Variants in ORC2 observed in about 807,000 individuals in gnomAD.
ORC2 encodes origin recognition complex subunit 2, also known as origin recognition complex protein 2 homolog.
A neutral mutation model predicts 77.7 loss-of-function variants in ORC2; 37 were observed. That is an observed-to-expected ratio of 0.48 (90% CI 0.37 to 0.63). The LOEUF is 0.63. Ranked by LOEUF, ORC2 falls within the 20% of genes least tolerant of loss-of-function variation. ORC2 has a pLI of 0.00. For missense variants in ORC2, 557 were observed against 661.9 expected (o/e 0.84, Z 1.74); for synonymous variants, 201 against 229.5 (o/e 0.88, Z 1.12).
chr2:200,963,264 G>C (rs16836350), intron 1 of ORC2: 3 of 395,632 alleles, frequency 7.6e-6, no homozygotes, highest in Non-Finnish European at 8.9e-6. Context: ...CCTCTGGCCA[G>C]TTGGCTGCGC....
At chr2:200,916,248 C>G (rs1010685038) in intron 15 of ORC2, among the ~76,000 whole-genome samples, 1 of 152,052 alleles carries the variant, frequency 6.6e-6, no homozygotes, top group African/African-American at 2.4e-5. Context: ...TTTGGGAGGT[C>G]AAGGTGGGTG....
intron 4 of ORC2, among the ~76,000 whole-genome samples, chr2:200,949,969 T>C (rs1348771068): frequency 1.3e-5 from 2 of 152,208 alleles, no homozygotes; most frequent in Admixed American, 6.5e-5. Context: ...TTTTTGGTTA[T>C]ATTTATTTTC....
chr2:200,958,710 T>C (rs1052885837), intron 2 of ORC2, among the ~76,000 whole-genome samples: 2 of 152,208 alleles, frequency 1.3e-5, no homozygotes, highest in African/African-American at 4.8e-5. Context: ...GATATCTTGG[T>C]AACTAAACAG....
chr2:200,953,112 C>CAAA (rs768496100), intron 4 of ORC2, among the ~76,000 whole-genome samples: 2 of 48,578 alleles, frequency 4.1e-5, no homozygotes, highest in Non-Finnish European at 8.5e-5. Context: ...GACCCTGTCT[C>CAAA]AAAAAAAAAA....
chr2:200,924,527 A>G (rs1225890979), intron 13 of ORC2, among the ~76,000 whole-genome samples: 4 of 152,196 alleles, frequency 2.6e-5, no homozygotes, highest in Non-Finnish European at 5.9e-5. Context: ...GATTATTGTC[A>G]TTATCAAAAA....
intron 6 of ORC2, among the ~76,000 whole-genome samples, chr2:200,942,404 T>C (rs1297955151): frequency 1.3e-5 from 2 of 152,196 alleles, no homozygotes; most frequent in Non-Finnish European, 2.9e-5. Flanking sequence ...CTATAAATAA[T>C]TGGCTAACTC....
intron 4 of ORC2, among the ~76,000 whole-genome samples, chr2:200,954,904 GAATAAATAAATAAATA>G (rs66473778): frequency 1.4e-5 from 2 of 144,732 alleles, no homozygotes; most frequent in East Asian, 2.0e-4. Flanking sequence ...ATGAATGAAT[GAATAAATAAATAAATA>G]AATAAATAAA....
chr2:200,956,815 T>C (rs1031945928), intron 4 of ORC2, among the ~76,000 whole-genome samples: 6 of 152,092 alleles, frequency 3.9e-5, no homozygotes, highest in Admixed American at 3.9e-4. Flanking sequence ...AAAATAACTT[T>C]AGGAGTACTA....
At chr2:200,936,655 C>T (rs374858475) in intron 8 of ORC2, among the ~76,000 whole-genome samples, 5 of 152,226 alleles carry the variant, frequency 3.3e-5, no homozygotes, top group African/African-American at 1.2e-4. Context: ...CTACTGAAAA[C>T]GTCATACTAA....
intron 4 of ORC2, among the ~76,000 whole-genome samples, chr2:200,952,568 T>C (rs946614240): frequency 6.6e-6 from 1 of 152,080 alleles, no homozygotes; most frequent in African/African-American, 2.4e-5. Flanking sequence ...GCCTATATAA[T>C]TTATTTTTGT....
At chr2:200,957,303 GAAC>G (rs2041485199) in intron 4 of ORC2, 95 bp downstream of exon 4, 2 of 796,224 alleles carry the variant, frequency 2.5e-6, no homozygotes, top group Admixed American at 5.6e-5. Context: ...TGATCATATA[GAAC>G]ACCACTGTTT....
At chr2:200,920,920 C>T (rs1404689232) in intron 14 of ORC2, 73 bp downstream of exon 14, 2 of 1,111,706 alleles carry the variant, frequency 1.8e-6, no homozygotes, top group African/African-American at 1.6e-5. Flanking sequence ...TAAAAATTTT[C>T]TGATTTATAT....
intron 8 of ORC2, 67 bp from the exon 9 acceptor site, chr2:200,935,959 G>T: frequency 2.2e-6 from 3 of 1,343,370 alleles, no homozygotes; most frequent in Non-Finnish European, 3.1e-6. Flanking sequence ...GTGGGGTAAA[G>T]CAAAGAGTGG....
At chr2:200,952,948 C>T (rs1490955249) in intron 4 of ORC2, among the ~76,000 whole-genome samples, 1 of 151,558 alleles carries the variant, frequency 6.6e-6, no homozygotes, top group South Asian at 2.1e-4. Context: ...TCCACCTCTA[C>T]AAAATATACA....
rs1318252603 is a variant in ORC2 at position 200,958,059 on chromosome 2, A to ACAT, written c.62_64dup (p.Asp21dup). The ACAT allele has an allele frequency of 6.2e-7, 1 of 1,610,246 alleles. No homozygotes were observed. Among genetic ancestry groups the ACAT allele is most frequent in the South Asian group, 1.1e-5 (1 of 90,948 alleles). On this transcript the variant is annotated inframe_insertion, in exon 3 of 18. Transcript: ENST00000234296. ...TTCTCTATCTAGAATGTGATTAAGA[A>ACAT]CATCATCATCTCCCACAAAGTGAAC...
intron 1 of ORC2, among the ~76,000 whole-genome samples, chr2:200,960,550 T>C (rs1396223158): frequency 6.6e-6 from 1 of 152,148 alleles, no homozygotes; most frequent in Non-Finnish European, 1.5e-5. Flanking sequence ...TAAGGGGCTG[T>C]TTGTGAGGCA....
chr2:200,956,260 C>T (rs2041462694), intron 4 of ORC2, among the ~76,000 whole-genome samples: 1 of 151,682 alleles, frequency 6.6e-6, no homozygotes, highest in African/African-American at 2.4e-5. Flanking sequence ...GACAGGGTCT[C>T]ACTCTGTTGC....
intron 8 of ORC2, among the ~76,000 whole-genome samples, chr2:200,936,661 A>C (rs2041052486): frequency 6.6e-6 from 1 of 152,188 alleles, no homozygotes; most frequent in African/African-American, 2.4e-5. Flanking sequence ...AAAACGTCAT[A>C]CTAACTAATA....
intron 1 of ORC2, among the ~76,000 whole-genome samples, chr2:200,962,627 G>A (rs16836340): frequency 6.6e-6 from 1 of 152,232 alleles, no homozygotes; most frequent in Admixed American, 6.5e-5. Context: ...GCTCCTTACT[G>A]CAGTGCACTG....
Sources: allele counts gnomAD v4.1 joint callset (sites outside exome capture counted in the v4.1 genomes callset), GRCh38; gene constraint gnomAD v4.1.1; transcripts MANE v1.5; gene names NCBI Gene and HGNC (gene_info 2026-07-23, HGNC 2026-07-21).